EML6: variants seen among roughly 807,000 people sequenced by gnomAD.
EML6 encodes echinoderm microtubule-associated protein-like 6.
A neutral mutation model predicts 240.1 loss-of-function variants in EML6; 154 were observed. That is an observed-to-expected ratio of 0.64 (90% CI 0.56 to 0.73). The LOEUF (loss-of-function observed/expected upper bound fraction) is 0.73, where lower values mean the gene tolerates loss of function less well. EML6 is among the 30% of genes least tolerant of loss of function. The pLI is 0.00. For synonymous variants in EML6, 1,148 were observed against 899.0 expected (o/e 1.28, Z -4.95); for missense variants, 2,964 against 2,474.6 (o/e 1.20, Z -4.20).
intron 28 of EML6, among the ~76,000 whole-genome samples, chr2:54,943,051 C>T (rs1306502927): frequency 1.3e-5 from 2 of 152,126 alleles, no homozygotes; most frequent in African/African-American, 4.8e-5. Context: ...CTGCACATGG[C>T]CCTCCAAGCT....
In EML6 at chr2:54,879,543, A is replaced by G; in HGVS notation, c.2345-4A>G. 1 of 1,547,238 alleles carries G rather than the reference A, an allele frequency of 6.5e-7. No individual in the cohort carries two copies. The highest frequency in any genetic ancestry group is 2.4e-5 in the East Asian group (1 of 40,888). On this transcript the variant is annotated splice_region_variant and splice_polypyrimidine_tract_variant and intron_variant, in intron 16 of 41. Coordinates refer to ENST00000356458, the MANE Select transcript of EML6 (RefSeq NM_001039753.4). ...ATTTTGACATTTGTGTTGTTTTCAT[A>G]CAGCCGATGGAAAATGTCTGGTGTC... is the stretch of plus-strand genomic sequence containing the variant.
intron 5 of EML6, among the ~76,000 whole-genome samples, chr2:54,824,901 C>A (rs1034389777): frequency 1.3e-5 from 2 of 152,158 alleles, no homozygotes; most frequent in Non-Finnish European, 2.9e-5. Context: ...TGTGTTGCTA[C>A]CCTAAACTGC....
At chr2:54,777,715 C>G (rs920222777) in intron 2 of EML6, among the ~76,000 whole-genome samples, 1 of 152,144 alleles carries the variant, frequency 6.6e-6, no homozygotes, top group African/African-American at 2.4e-5. Flanking sequence ...TTAGTGATTT[C>G]AGGAGCAGGA....
chr2:54,965,877 G>A (rs1676726492), intron 38 of EML6, among the ~76,000 whole-genome samples: 1 of 152,178 alleles, frequency 6.6e-6, no homozygotes, highest in African/African-American at 2.4e-5. Context: ...AAGGCAATCT[G>A]GTCCCCAGGC....
In EML6 at chr2:54,960,330, G is replaced by A; in HGVS notation, c.4964G>A (p.Gly1655Glu). 1.3e-6 allele frequency: 2 copies of A among 1,549,380 alleles called. No homozygotes were observed. The highest frequency in any genetic ancestry group is 1.7e-6 in the Non-Finnish European group (2 of 1,146,436). Reference protein sequence around the residue: ...LVECVRSVCRGKGKILVGTKD... With the variant: ...LVECVRSVCREKGKILVGTKD... ...GAGTGTGTGCGCTCCGTGTGCCGTG[G>A]AAAAGTGAGCACAGCCAGCTCCCCT... Residue 1655 changes from glycine (G) to glutamate (E), a missense_variant, in exon 35 of 42, where the codon GGA (glycine) becomes GAA (glutamate). Physicochemically the swap from Gly to Glu is moderately conservative, Grantham distance 98. Coordinates refer to ENST00000356458, the MANE Select transcript of EML6 (RefSeq NM_001039753.4).
intron 28 of EML6, among the ~76,000 whole-genome samples, chr2:54,929,791 A>C (rs554670674): frequency 4.0e-4 from 61 of 152,296 alleles, no homozygotes; most frequent in Admixed American, 1.2e-3. Flanking sequence ...TACTGGCAAG[A>C]AGATTGAATC....
chr2:54,861,583 T>C (rs1037426304), intron 12 of EML6, among the ~76,000 whole-genome samples: 6 of 152,132 alleles, frequency 3.9e-5, no homozygotes, highest in Non-Finnish European at 8.8e-5. Context: ...TCTTGATGTC[T>C]TCCCCCCTTT....
intron 28 of EML6, among the ~76,000 whole-genome samples, chr2:54,941,807 C>G (rs1009367034): frequency 6.6e-6 from 1 of 152,262 alleles, no homozygotes; most frequent in African/African-American, 2.4e-5. Flanking sequence ...CAGAGCCCTT[C>G]TCTCGAAGCT....
chr2:54,789,308 T>C (rs1443703811), intron 2 of EML6, among the ~76,000 whole-genome samples: 1 of 151,732 alleles, frequency 6.6e-6, no homozygotes, highest in South Asian at 2.1e-4. Flanking sequence ...GGTCAGGAGA[T>C]CGAGACCATC....
chr2:54,886,103 C>A (rs989488518), intron 17 of EML6, among the ~76,000 whole-genome samples: 6 of 148,194 alleles, frequency 4.0e-5, no homozygotes, highest in African/African-American at 1.5e-4. Flanking sequence ...CCAACTGTGA[C>A]AATGATCAGC....
chr2:54,890,543 C>T (rs375762395), intron 17 of EML6, among the ~76,000 whole-genome samples: 26 of 152,148 alleles, frequency 1.7e-4, no homozygotes, highest in African/African-American at 5.8e-4. Flanking sequence ...CTTTCTCTTT[C>T]CATAGCTGTG....
At chr2:54,965,725 C>T (rs1342377918) in intron 38 of EML6, among the ~76,000 whole-genome samples, 2 of 152,140 alleles carry the variant, frequency 1.3e-5, no homozygotes, top group African/African-American at 2.4e-5. Flanking sequence ...TGGGTGGGGC[C>T]AGCTGATCCA....
chr2:54,918,400 A>G (rs1035237130), intron 26 of EML6, among the ~76,000 whole-genome samples: 4 of 152,154 alleles, frequency 2.6e-5, no homozygotes, highest in African/African-American at 7.2e-5. Flanking sequence ...CCAGGCTGGA[A>G]TACAGTGGCA....
At chr2:54,966,447 G>A (rs1217806589) in intron 38 of EML6, among the ~76,000 whole-genome samples, 1 of 152,208 alleles carries the variant, frequency 6.6e-6, no homozygotes, top group African/African-American at 2.4e-5. Context: ...TGTCTTGATG[G>A]TAGGAAAAAT....
intron 2 of EML6, among the ~76,000 whole-genome samples, chr2:54,789,901 A>C (rs1347305135): frequency 6.6e-6 from 1 of 152,184 alleles, no homozygotes; most frequent in Admixed American, 6.5e-5. Flanking sequence ...AATATCTACA[A>C]ATACTGATTG....
At position 54,971,993 on chromosome 2, in the gene EML6, A is replaced by G. The variant is rs1193461467; in HGVS notation, c.*1898A>G. The G allele has an allele frequency of 6.6e-6, 1 of 152,180 alleles. No homozygotes were observed. Among genetic ancestry groups the G allele is most frequent in the East Asian group, 1.9e-4 (1 of 5,198 alleles). 9.4% of individuals were successfully genotyped at this position (152,180 alleles called of 1,614,324 possible). A position where few individuals can be genotyped will look rare whatever the true frequency, so the allele number is the denominator to read the frequency against. Reference sequence around the variant, plus strand: ...ATAAAACACATCACTTAAACATTTTATGTGTCAAATAAAATTTGATTATGT... The same window carrying G: ...ATAAAACACATCACTTAAACATTTTGTGTGTCAAATAAAATTTGATTATGT... On this transcript the variant is annotated 3_prime_UTR_variant, in exon 42 of 42. Transcript: ENST00000356458.
intron 4 of EML6, among the ~76,000 whole-genome samples, chr2:54,817,386 G>C (rs970798417): frequency 1.3e-5 from 2 of 152,138 alleles, no homozygotes; most frequent in Non-Finnish European, 2.9e-5. Flanking sequence ...GGGATGAAGG[G>C]GGTATATACA....
chr2:54,796,810 C>G (rs1337472386), intron 2 of EML6, among the ~76,000 whole-genome samples: 1 of 151,988 alleles, frequency 6.6e-6, no homozygotes, highest in Non-Finnish European at 1.5e-5. Flanking sequence ...CACCGCCAGG[C>G]TATTATAGAG....
chr2:54,780,179 AAAT>A (rs1478424285), intron 2 of EML6, among the ~76,000 whole-genome samples: 1 of 152,218 alleles, frequency 6.6e-6, no homozygotes, highest in Non-Finnish European at 1.5e-5. Context: ...TTACTATTAC[AAAT>A]AATAACACAA....
Sources: gnomAD v4.1 joint callset for allele counts (sites outside exome capture counted in the v4.1 genomes callset) on GRCh38, gnomAD v4.1.1 for gene constraint, MANE v1.5 for transcripts, NCBI Gene and HGNC (gene_info 2026-07-23, HGNC 2026-07-21) for gene names.